The following RABGAP1 variants were observed in gnomAD, a reference collection of about 807,000 sequenced individuals.
RABGAP1 encodes RAB GTPase activating protein 1, also known as rab GTPase-activating protein 1.
RABGAP1 carries 23 observed loss-of-function variants against 137.6 expected under a neutral mutation model. The observed-to-expected ratio is 0.17, with a 90% CI of 0.12 to 0.24. RABGAP1 has a LOEUF of 0.24. RABGAP1 is among the 10% of genes least tolerant of loss of function. RABGAP1 has a pLI of 1.00. For missense variants in RABGAP1, 906 were observed against 1,275.8 expected (o/e 0.71, Z 4.42); for synonymous variants, 451 against 450.7 (o/e 1.00, Z -0.01).
At chr9:123,059,129 G>A (rs1329788078) in intron 13 of RABGAP1, among the ~76,000 whole-genome samples, 2 of 152,194 alleles carry the variant, frequency 1.3e-5, no homozygotes, top group African/African-American at 2.4e-5. Flanking sequence ...TTTATGACCA[G>A]CAAAATGATC....
At chr9:122,985,689 C>T (rs1836335678) in intron 3 of RABGAP1, among the ~76,000 whole-genome samples, 2 of 151,420 alleles carry the variant, frequency 1.3e-5, no homozygotes. Context: ...TATATTCGAC[C>T]TAAATGTAAA....
At chr9:122,938,495 A>G (rs914782369), upstream of RABGAP1, 1 of 152,236 alleles carries the variant, frequency 6.6e-6, no homozygotes, top group Non-Finnish European at 1.5e-5. Context: ...TTGGAAACCA[A>G]AATTCATTTT....
chr9:122,983,017 G>T (rs1474110159), intron 2 of RABGAP1, among the ~76,000 whole-genome samples: 3 of 151,980 alleles, frequency 2.0e-5, no homozygotes, highest in African/African-American at 2.4e-5. Context: ...ACAGGCACAT[G>T]CTACCATGCA....
intron 1 of RABGAP1, among the ~76,000 whole-genome samples, chr9:122,945,147 C>CTTTTTTTTGTTTTTTTTTTTTTTTTTTTT (rs1833874522): frequency 2.6e-5 from 2 of 75,772 alleles, no homozygotes; most frequent in Non-Finnish European, 2.9e-5. Flanking sequence ...ATAGCTGTTG[C>CTTTTTTTTGTTTTTTTTTTTTTTTTTTTT]TTTTTTTTTT....
intron 2 of RABGAP1, among the ~76,000 whole-genome samples, chr9:122,981,243 C>T (rs1484059576): frequency 6.6e-6 from 1 of 152,060 alleles, no homozygotes; most frequent in Non-Finnish European, 1.5e-5. Context: ...CCAGGCTGGT[C>T]TCGAACTCCT....
Position 123,070,790 on chromosome 9 carries a change from G to C in RABGAP1, c.1983+366G>C, listed in dbSNP as rs1388886534. 6.6e-6 allele frequency among the ~76,000 whole-genome samples: 1 copy of C among 152,096 alleles called. No individual in the cohort carries two copies. Among genetic ancestry groups the C allele is most frequent in the Non-Finnish European group, 1.5e-5 (1 of 68,010 alleles). On this transcript the variant is annotated intron_variant, in intron 15 of 25. Transcript: ENST00000373647. This position sits in a 1 kb window ranked among gnomAD's most constrained non-coding sequence, Gnocchi z 4.4. The stretch of plus-strand genomic sequence containing the variant: ...GGGTAGGAGGAAGGCGGAAAAGTTG[G>C]TTTTCTTTTAGTACCATTTTATTCA...
Position 122,990,104 on chromosome 9 carries a change from A to G in RABGAP1, c.814A>G (p.Lys272Glu), listed in dbSNP as rs750668439. The change falls in exon 6 of 26, where the codon AAG becomes GAG. Residue 272 changes from lysine (K) to glutamate (E), a missense_variant. By Grantham distance (56) the Lys-to-Glu change is moderately conservative. This residue lies in a region of RABGAP1 where 331 missense variants were observed against 358.3 expected (regional missense o/e 0.92). Transcript: ENST00000373647. ...TGCCACTGCCTTCCGCCGTTCTGCCAAGCAGACCCCACTTTCAGCCACTGC... is the reference window on the plus strand; with the variant it reads ...TGCCACTGCCTTCCGCCGTTCTGCCGAGCAGACCCCACTTTCAGCCACTGC... ...SFATAFRRSA[K>E]QTPLSATAAP... is the part of the protein sequence containing the mutation. The G allele has an allele frequency of 2.5e-6, 4 of 1,611,092 alleles. No individual in the cohort carries two copies. Among genetic ancestry groups the G allele is most frequent in the Non-Finnish European group, 3.4e-6 (4 of 1,177,428 alleles).
chr9:122,994,339 A>G (rs1836909318), intron 6 of RABGAP1, among the ~76,000 whole-genome samples: 1 of 152,164 alleles, frequency 6.6e-6, no homozygotes, highest in Non-Finnish European at 1.5e-5. Flanking sequence ...AAACAATGGG[A>G]TTATATTTAC....
intron 2 of RABGAP1, among the ~76,000 whole-genome samples, chr9:122,972,294 A>G (rs1338819939): frequency 2.0e-5 from 3 of 152,110 alleles, no homozygotes; most frequent in Admixed American, 2.0e-4. Context: ...ATGGTAAGAA[A>G]AAAACTCCAA....
intron 13 of RABGAP1, chr9:123,029,444 C>T (rs1444443748): frequency 1.9e-6 from 3 of 1,551,786 alleles, no homozygotes; most frequent in Non-Finnish European, 2.7e-6. Flanking sequence ...TACTTGAGCT[C>T]TGTGCTTTGA....
At chr9:123,030,234 TC>T in intron 13 of RABGAP1, among the ~76,000 whole-genome samples, 1 of 152,278 alleles carries the variant, frequency 6.6e-6, no homozygotes, top group African/African-American at 2.4e-5. Flanking sequence ...CCAAAGACTG[TC>T]TGAAGGAATG....
intron 1 of RABGAP1, among the ~76,000 whole-genome samples, chr9:122,947,799 A>C (rs1834020236): frequency 6.6e-6 from 1 of 152,188 alleles, no homozygotes; most frequent in African/African-American, 2.4e-5. Flanking sequence ...AGAAAGCTTA[A>C]ATTATTATGA....
intron 11 of RABGAP1, 115 bp downstream of exon 11, chr9:123,010,643 TCC>T: frequency 5.8e-6 from 6 of 1,028,100 alleles, no homozygotes; most frequent in African/African-American, 1.6e-5. Context: ...TTTAATGAAT[TCC>T]TTATGAGAGT....
chr9:123,023,201 G>A (rs2131942154), intron 13 of RABGAP1, among the ~76,000 whole-genome samples: 1 of 152,134 alleles, frequency 6.6e-6, no homozygotes. Flanking sequence ...CTGTTTTGGA[G>A]ATGGAGTCTT....
At chr9:123,088,458 T>G (rs140685851) in intron 19 of RABGAP1, among the ~76,000 whole-genome samples, 21 of 152,228 alleles carry the variant, frequency 1.4e-4, no homozygotes, top group African/African-American at 4.8e-4. Flanking sequence ...CCATAGGGAA[T>G]GGCTAGCTGT....
At chr9:123,051,494 G>T (rs1466597894) in intron 13 of RABGAP1, among the ~76,000 whole-genome samples, 1 of 151,254 alleles carries the variant, frequency 6.6e-6, no homozygotes, top group African/African-American at 2.4e-5. Flanking sequence ...TGATCTGCCC[G>T]CCTCGACCTC....
At position 123,098,697 on chromosome 9, in the gene RABGAP1, G is replaced by GT. The variant is rs769441032; in HGVS notation, c.2734-11dup. 3 of 1,604,764 alleles carry GT rather than the reference G, an allele frequency of 1.9e-6. No homozygotes were observed. Among genetic ancestry groups the GT allele is most frequent in the African/African-American group, 1.3e-5 (1 of 74,234 alleles). ...TTTTTCTGTTAACATAGTCCCTTTT[G>GT]TTTTTTTATGTGTGCAGTTAAAAGA... is the stretch of plus-strand genomic sequence containing the variant. On this transcript the variant is annotated splice_polypyrimidine_tract_variant and intron_variant, in intron 22 of 25. Transcript: ENST00000373647.
chr9:123,047,919 G>GTTTTTTTTTTTTTTTTTTTTTTTT (rs59639446), intron 13 of RABGAP1, among the ~76,000 whole-genome samples: 3 of 62,282 alleles, frequency 4.8e-5, no homozygotes, highest in Non-Finnish European at 1.1e-4. Context: ...CAGCTGCTGG[G>GTTTTTTTTTTTTTTTTTTTTTTTT]TTTTTTTTTT....
At chr9:122,998,497 T>C (rs1261590958) in intron 9 of RABGAP1, 100 bp from the exon 10 acceptor site, 2 of 1,040,784 alleles carry the variant, frequency 1.9e-6, no homozygotes, top group South Asian at 4.0e-5. Flanking sequence ...TAAGGTATTT[T>C]GAAAGTTTAT....
Sources: gnomAD v4.1 joint callset for allele counts (sites outside exome capture counted in the v4.1 genomes callset) on GRCh38, gnomAD v4.1.1 for gene constraint, gnomAD v4.1.1 regional missense constraint, Gnocchi (gnomAD v3.1) non-coding constraint, MANE v1.5 for transcripts, NCBI Gene and HGNC (gene_info 2026-07-23, HGNC 2026-07-21) for gene names.